ABRAXAS1: variants seen among roughly 807,000 people sequenced by gnomAD.
ABRAXAS1 encodes the protein BRCA1-A complex subunit Abraxas 1.
In ABRAXAS1, 26 loss-of-function variants were observed where a neutral mutation model predicts 38.4. The observed-to-expected ratio is 0.68, with a 90% CI of 0.50 to 0.94. The LOEUF is 0.94. Ranked by LOEUF, ABRAXAS1 falls within the 40% of genes least tolerant of loss-of-function variation. The pLI is 0.00. For missense variants in ABRAXAS1, 438 were observed against 481.9 expected (o/e 0.91, Z 0.85); for synonymous variants, 144 against 165.5 (o/e 0.87, Z 1.00).
Position 83,480,321 on chromosome 4 carries a change from G to A in ABRAXAS1, c.178+1833C>T, listed in dbSNP as rs770700052. 1.8e-4 allele frequency: 71 copies of A among 392,400 alleles called. 1 individual carries two copies. The highest frequency in any genetic ancestry group is 1.0e-3 in the Admixed American group (32 of 31,182). The allele number at this position is 392,400 out of a possible 1,614,324, so 24.3% of individuals were successfully genotyped here. The stretch of plus-strand genomic sequence containing the variant: ...CGAGAGGCAGAGGTTGCAGTGAGCC[G>A]AGATCATGCCACTTCACTCCAGTCT... On this transcript the variant is annotated intron_variant, in intron 2 of 8. Transcript: ENST00000321945.
At chr4:83,481,125 C>CT in intron 2 of ABRAXAS1, among the ~76,000 whole-genome samples, 1 of 150,842 alleles carries the variant, frequency 6.6e-6, no homozygotes, top group East Asian at 1.9e-4. Context: ...GAGTGAGACT[C>CT]TGCCTCAAAA....
intron 7 of ABRAXAS1, among the ~76,000 whole-genome samples, chr4:83,464,516 T>TA (rs748924538): frequency 1.1e-4 from 16 of 152,258 alleles, no homozygotes; most frequent in Non-Finnish European, 1.6e-4. Flanking sequence ...AACTAATTAG[T>TA]AAAAAAAGCA....
chr4:83,476,125 C>T (rs367875817), intron 3 of ABRAXAS1, among the ~76,000 whole-genome samples: 176 of 152,144 alleles, frequency 1.2e-3, no homozygotes, highest in African/African-American at 4.2e-3. Flanking sequence ...TCACCTGAGC[C>T]CAGAAGGTGA....
intron 6 of ABRAXAS1, among the ~76,000 whole-genome samples, chr4:83,468,310 A>AG (rs1722450884): frequency 1.0e-5 from 1 of 96,826 alleles, no homozygotes; most frequent in South Asian, 3.6e-4. Context: ...TGTCTTTAAA[A>AG]GAAAAAAAAA....
At chr4:83,470,512 T>TG (rs1216215889) in intron 4 of ABRAXAS1, 116 bp from the exon 5 acceptor site, 1 of 699,506 alleles carries the variant, frequency 1.4e-6, no homozygotes, top group African/African-American at 1.8e-5. Context: ...TAGAAAGATT[T>TG]GGGGCATATA....
At chr4:83,484,485 T>G (rs746266907) in intron 1 of ABRAXAS1, among the ~76,000 whole-genome samples, 1 of 152,236 alleles carries the variant, frequency 6.6e-6, no homozygotes, top group South Asian at 2.1e-4. Flanking sequence ...AGCTGTTCCA[T>G]CCACTAAGAT....
intron 7 of ABRAXAS1, among the ~76,000 whole-genome samples, chr4:83,464,457 A>C: frequency 6.6e-6 from 1 of 152,222 alleles, no homozygotes; most frequent in East Asian, 1.9e-4. Flanking sequence ...ACAAAAATAT[A>C]AGATGATGTT....
chr4:83,464,121 AGGT>A lies in ABRAXAS1; in HGVS notation c.682-516_682-514del, dbSNP rs374094020. ...TGAATCGCTTGAACCCAGGAAGCAG[AGGT>A]TGCAGTGAGCCAAAATTGCACCACT... is the stretch of plus-strand genomic sequence containing the variant. On this transcript the variant is annotated intron_variant, in intron 7 of 8. Coordinates refer to ENST00000321945, the MANE Select transcript of ABRAXAS1 (RefSeq NM_139076.3). Among the ~76,000 whole-genome samples the A allele has an allele frequency of 5.1e-4, 78 of 152,310 alleles. 2 individuals are homozygous for A. In the East Asian group the frequency reaches 0.013, roughly 25 times the overall value.
intron 3 of ABRAXAS1, 80 bp downstream of exon 3, chr4:83,476,563 T>C (rs1380536972): frequency 2.0e-6 from 2 of 1,005,734 alleles, no homozygotes; most frequent in Middle Eastern, 2.2e-4. Context: ...ACTAAGATAA[T>C]CTGTTAGTTT....
chr4:83,465,466 G>A (rs1412501321), intron 7 of ABRAXAS1, among the ~76,000 whole-genome samples: 1 of 151,982 alleles, frequency 6.6e-6, no homozygotes, highest in African/African-American at 2.4e-5. Context: ...TGGAGCAAAT[G>A]GCAGAGTGAA....
intron 1 of ABRAXAS1, 87 bp downstream of exon 1, chr4:83,484,899 G>T: frequency 8.6e-7 from 1 of 1,156,588 alleles, no homozygotes; most frequent in Non-Finnish European, 1.2e-6. Context: ...GGGGGAGCGG[G>T]CGGGGACCGG....
At position 83,482,254 on chromosome 4, in the gene ABRAXAS1, T is replaced by C; in HGVS notation, c.88-10A>G. 6.5e-7 allele frequency: 1 copy of C among 1,550,040 alleles called. No homozygotes were observed. The highest frequency in any genetic ancestry group is 8.9e-7 in the Non-Finnish European group (1 of 1,126,376). On this transcript the variant is annotated splice_polypyrimidine_tract_variant and intron_variant, in intron 1 of 8. Transcript: ENST00000321945. The stretch of plus-strand genomic sequence containing the variant: ...CAAGAAGAAAACCTTCCTATGAAGA[T>C]AAAGAGGCAATATATAGAATACACT...
intron 3 of ABRAXAS1, among the ~76,000 whole-genome samples, chr4:83,472,605 C>T (rs1332414735): frequency 2.0e-5 from 3 of 152,060 alleles, no homozygotes; most frequent in Non-Finnish European, 2.9e-5. Context: ...TTCACATAAC[C>T]GGTTCACAAT....
chr4:83,462,591 A>T lies in ABRAXAS1; in HGVS notation c.1108T>A (p.Ser370Thr), dbSNP rs587780263. The change falls in exon 9 of 9, where the codon TCT becomes ACT. Residue 370 changes from serine to threonine, a missense_variant. By Grantham distance (58) the Ser-to-Thr change is moderately conservative. Transcript: ENST00000321945. ...TTACTACTACCAGTATCTGCTTTAG[A>T]TCGTTTGTCTTGTGTATCTAACAAC... ...SRLLDTQDKR[S>T]KADTGSSNQD... The T allele has an allele frequency of 8.1e-6, 13 of 1,613,994 alleles. No homozygotes were observed. Among genetic ancestry groups the T allele is most frequent in the Middle Eastern group, 1.7e-4 (1 of 6,060 alleles).
intron 2 of ABRAXAS1, chr4:83,478,126 A>G: frequency 1.3e-6 from 1 of 790,844 alleles, no homozygotes; most frequent in Non-Finnish European, 2.2e-6. Context: ...AGCACTTAAT[A>G]TTGTCAGGAA....
chr4:83,470,718 A>G (rs1353523006), intron 4 of ABRAXAS1, among the ~76,000 whole-genome samples: 8 of 152,230 alleles, frequency 5.3e-5, no homozygotes, highest in Admixed American at 5.2e-4. Flanking sequence ...TTAAATGAAA[A>G]AAATATCAAT....
chr4:83,473,001 G>A (rs754732930), intron 3 of ABRAXAS1, among the ~76,000 whole-genome samples: 2 of 152,116 alleles, frequency 1.3e-5, no homozygotes, highest in African/African-American at 4.8e-5. Flanking sequence ...ATTTTTGCCA[G>A]GGCATGGTGG....
chr4:83,475,739 T>C (rs751355110), intron 3 of ABRAXAS1, among the ~76,000 whole-genome samples: 3 of 151,928 alleles, frequency 2.0e-5, no homozygotes, highest in Non-Finnish European at 2.9e-5. Flanking sequence ...GGTTACATGA[T>C]TACATGTGTT....
At chr4:83,480,194 C>A in intron 2 of ABRAXAS1, 1 of 240,930 alleles carries the variant, frequency 4.2e-6, no homozygotes, top group Non-Finnish European at 8.5e-6. Context: ...CATGGTGAAA[C>A]CCCATCTCTA....
Sources: gnomAD v4.1 joint callset for allele counts (sites outside exome capture counted in the v4.1 genomes callset) on GRCh38, gnomAD v4.1.1 for gene constraint, MANE v1.5 for transcripts, NCBI Gene and HGNC (gene_info 2026-07-23, HGNC 2026-07-21) for gene names.